Variants in CSMD1 observed in about 807,000 individuals in gnomAD.
CSMD1 encodes the protein CUB and Sushi multiple domains 1.
In CSMD1, 213 loss-of-function variants were observed where a neutral mutation model predicts 417.5. That is an observed-to-expected ratio of 0.51 (90% confidence interval 0.46 to 0.57). CSMD1 has a LOEUF of 0.57. Among genes scored for constraint, CSMD1 ranks in the 20% least tolerant of loss-of-function variants. The pLI, the probability that CSMD1 is intolerant of heterozygous loss-of-function variation, is 0.00. For missense variants in CSMD1, 6,923 were observed against 4,529.7 expected (o/e 1.53, Z -15.17); for synonymous variants, 2,862 against 1,736.8 (o/e 1.65, Z -16.11).
At chr8:4,551,044 G>A (rs1289115429) in intron 2 of CSMD1, among the ~76,000 whole-genome samples, 1 of 152,122 alleles carries the variant, frequency 6.6e-6, no homozygotes, top group Non-Finnish European at 1.5e-5. Context: ...AGTAGTCCTT[G>A]ACAACAAATT....
At chr8:3,385,430 C>T (rs1051423665) in intron 18 of CSMD1, among the ~76,000 whole-genome samples, 1 of 151,554 alleles carries the variant, frequency 6.6e-6, no homozygotes, top group East Asian at 1.9e-4. Context: ...ATCCTGAATG[C>T]AGCCACCTAC....
chr8:3,766,524 C>T (rs12678875), intron 5 of CSMD1, among the ~76,000 whole-genome samples: 24,255 of 152,054 alleles, frequency 0.16, 1,988 homozygotes, highest in Admixed American at 0.21. Flanking sequence ...AATACTTGGA[C>T]ATTTGAAACA....
At chr8:4,441,726 A>T (rs1798494078) in intron 2 of CSMD1, among the ~76,000 whole-genome samples, 1 of 152,158 alleles carries the variant, frequency 6.6e-6, no homozygotes, top group African/African-American at 2.4e-5. Flanking sequence ...CAGGAGATAA[A>T]TGAAAATTTT....
chr8:4,497,770 G>A (rs1394329455), intron 2 of CSMD1, among the ~76,000 whole-genome samples: 1 of 152,212 alleles, frequency 6.6e-6, no homozygotes, highest in African/African-American at 2.4e-5. Flanking sequence ...CAAGAAATAT[G>A]TGTAAGGTCT....
chr8:3,064,803 G>A (rs1247327200), intron 49 of CSMD1, among the ~76,000 whole-genome samples: 1 of 152,140 alleles, frequency 6.6e-6, no homozygotes, highest in Non-Finnish European at 1.5e-5. Context: ...CCAGCATGAG[G>A]TTAAGCAAAT....
intron 41 of CSMD1, among the ~76,000 whole-genome samples, chr8:3,127,227 T>G (rs899885008): frequency 5.3e-5 from 8 of 152,282 alleles, no homozygotes; most frequent in Admixed American, 4.6e-4. Flanking sequence ...AGCACTTTCA[T>G]GCAAAAGAGG....
intron 3 of CSMD1, among the ~76,000 whole-genome samples, chr8:4,371,183 G>C (rs570255010): frequency 2.0e-5 from 3 of 152,224 alleles, no homozygotes; most frequent in South Asian, 2.1e-4. Context: ...GGATACTTTA[G>C]GGGTCAAGGC....
chr8:3,819,478 G>A (rs78047509), intron 5 of CSMD1, among the ~76,000 whole-genome samples: 8,581 of 151,756 alleles, frequency 0.057, 521 homozygotes, highest in African/African-American at 0.14. Flanking sequence ...ATCGTCGGTG[G>A]CACTGCTCTT....
intron 2 of CSMD1, among the ~76,000 whole-genome samples, chr8:4,430,780 C>T (rs1301847672): frequency 2.0e-5 from 3 of 152,148 alleles, no homozygotes; most frequent in African/African-American, 7.2e-5. Flanking sequence ...AAACCATTTA[C>T]AAATGACATT....
intron 5 of CSMD1, among the ~76,000 whole-genome samples, chr8:3,777,463 T>G (rs1319433858): frequency 6.6e-6 from 1 of 152,152 alleles, no homozygotes; most frequent in Non-Finnish European, 1.5e-5. Flanking sequence ...GCAGTGCTCA[T>G]TCTGGTGTCC....
intron 3 of CSMD1, among the ~76,000 whole-genome samples, chr8:4,334,850 A>T (rs1306754187): frequency 1.3e-5 from 2 of 152,078 alleles, no homozygotes; most frequent in African/African-American, 4.8e-5. Context: ...TTTATTTCTC[A>T]TTGATCTGGA....
chr8:3,379,754 G>T (rs975000769), intron 18 of CSMD1, among the ~76,000 whole-genome samples: 10 of 152,026 alleles, frequency 6.6e-5, no homozygotes, highest in South Asian at 6.2e-4. Flanking sequence ...AACTCAAGAT[G>T]GATTAAAGAC....
At chr8:4,360,623 G>T (rs1024987004) in intron 3 of CSMD1, among the ~76,000 whole-genome samples, 1 of 146,596 alleles carries the variant, frequency 6.8e-6, no homozygotes, top group African/African-American at 2.7e-5. Context: ...CAGAGTAGCT[G>T]AGACTACAGG....
At chr8:4,950,402 A>G (rs906874904) in intron 1 of CSMD1, among the ~76,000 whole-genome samples, 1 of 152,188 alleles carries the variant, frequency 6.6e-6, no homozygotes, top group Non-Finnish European at 1.5e-5. Context: ...TTACCCACAA[A>G]CAAGCGTTTT....
At chr8:3,265,534 G>C (rs933128462) in intron 26 of CSMD1, among the ~76,000 whole-genome samples, 1 of 152,148 alleles carries the variant, frequency 6.6e-6, no homozygotes, top group Non-Finnish European at 1.5e-5. Flanking sequence ...GTCTTAGAGA[G>C]AGGGAGTAGC....
intron 26 of CSMD1, among the ~76,000 whole-genome samples, chr8:3,281,388 G>A (rs1802726012): frequency 6.6e-6 from 1 of 152,094 alleles, no homozygotes; most frequent in Admixed American, 6.5e-5. Context: ...AGGCTCCAGT[G>A]AGCCAAGATC....
intron 7 of CSMD1, among the ~76,000 whole-genome samples, chr8:3,654,101 G>A (rs571121326): frequency 6.6e-6 from 1 of 152,138 alleles, no homozygotes; most frequent in Non-Finnish European, 1.5e-5. Flanking sequence ...AGAGTAGAGG[G>A]TGTTGTCAGG....
intron 9 of CSMD1, among the ~76,000 whole-genome samples, chr8:3,578,730 G>C (rs75141258): frequency 1.3e-5 from 2 of 152,132 alleles, no homozygotes; most frequent in South Asian, 4.1e-4. Context: ...GAGGGAAACT[G>C]TTCTGACTGG....
chr8:4,565,719 C>G (rs144490197), intron 2 of CSMD1, among the ~76,000 whole-genome samples: 2 of 141,428 alleles, frequency 1.4e-5, no homozygotes, highest in African/African-American at 5.4e-5. Flanking sequence ...TGGGTGACAG[C>G]GCAACACTCC....
Sources: gnomAD v4.1 joint callset for allele counts (sites outside exome capture counted in the v4.1 genomes callset) on GRCh38, gnomAD v4.1.1 for gene constraint, MANE v1.5 for transcripts, NCBI Gene and HGNC (gene_info 2026-07-23, HGNC 2026-07-21) for gene names.